Variants in FLT1 observed in about 807,000 individuals in gnomAD.
FLT1 encodes fms related receptor tyrosine kinase 1, also known as vascular endothelial growth factor receptor 1.
A neutral mutation model predicts 156.3 loss-of-function variants in FLT1; 49 were observed. The ratio of observed to expected loss-of-function variants is 0.31; its 90% CI spans 0.25 to 0.40. FLT1 has a LOEUF of 0.40. Ranked by LOEUF, FLT1 falls within the 10% of genes least tolerant of loss-of-function variation. The probability of loss-of-function intolerance (pLI) is 1.00; values close to 1 mark genes in which losing one functional copy is unlikely to be tolerated. For synonymous variants in FLT1, 594 were observed against 583.8 expected, an observed-to-expected ratio of 1.02 and a Z score of -0.25; for missense variants, 1,322 against 1,637.2, an observed-to-expected ratio of 0.81 and a Z score of 3.32.
chr13:28,371,194 T>C (rs1217963213), intron 14 of FLT1, among the ~76,000 whole-genome samples: 1 of 152,184 alleles, frequency 6.6e-6, no homozygotes, highest in Admixed American at 6.5e-5. Context: ...CCACTACCAG[T>C]CACTCACTGT....
chr13:28,475,702 A>T (rs767074297), intron 1 of FLT1, among the ~76,000 whole-genome samples: 4 of 152,186 alleles, frequency 2.6e-5, no homozygotes, highest in Non-Finnish European at 4.4e-5. Context: ...GAAACTTAAT[A>T]AAAAAAAGTT....
At chr13:28,428,965 G>A (rs1050357156) in intron 8 of FLT1, among the ~76,000 whole-genome samples, 20 of 151,884 alleles carry the variant, frequency 1.3e-4, no homozygotes, top group Non-Finnish European at 2.2e-4. Flanking sequence ...CATTTTTGAC[G>A]GTGGATTGAA....
Position 28,434,047 on chromosome 13 carries a change from G to A in FLT1, c.676+11C>T, listed in dbSNP as rs370578912. 9 of 1,613,990 alleles carry A rather than the reference G, an allele frequency of 5.6e-6. No homozygotes were observed. In the African/African-American group the frequency reaches 8.0e-5, roughly 14 times the overall value. ...TTCGGCTTATGTTCATGCCTTTGAA[G>A]CATCACTTACTTTGTCGATGTGTGA... On this transcript the variant is annotated intron_variant, in intron 5 of 29. Coordinates refer to ENST00000282397, the MANE Select transcript of FLT1 (RefSeq NM_002019.4).
chr13:28,458,847 A>T (rs898899187), intron 3 of FLT1, among the ~76,000 whole-genome samples: 1 of 152,216 alleles, frequency 6.6e-6, no homozygotes. Flanking sequence ...CCAGTGATGG[A>T]TAGAATGAAT....
chr13:28,387,552 T>C (rs1874433699), intron 13 of FLT1: 1 of 1,063,050 alleles, frequency 9.4e-7, no homozygotes, highest in African/African-American at 1.6e-5. Flanking sequence ...GCCCACCAGG[T>C]TCTTTCACTT....
At chr13:28,481,367 G>A (rs1880835607) in intron 1 of FLT1, among the ~76,000 whole-genome samples, 1 of 151,692 alleles carries the variant, frequency 6.6e-6, no homozygotes, top group African/African-American at 2.4e-5. Context: ...CAAATGGAAG[G>A]AACAGAATAT....
At position 28,427,144 on chromosome 13, in the gene FLT1, A is replaced by T; in HGVS notation, c.1436+15T>A. The T allele has an allele frequency of 6.2e-7, 1 of 1,612,970 alleles. No homozygotes were observed. The highest frequency in any genetic ancestry group is 8.5e-7 in the Non-Finnish European group (1 of 1,178,920). On this transcript the variant is annotated intron_variant, in intron 10 of 29. Coordinates refer to ENST00000282397, the MANE Select transcript of FLT1 (RefSeq NM_002019.4). Reference sequence around the variant, plus strand: ...AAAGTATTTGAAAGTTAGTAAAAAAACTGACTGTCCCTACCTTGCTTCGGA... The same window carrying T: ...AAAGTATTTGAAAGTTAGTAAAAAATCTGACTGTCCCTACCTTGCTTCGGA...
chr13:28,348,664 C>T (rs1872641612), intron 15 of FLT1, among the ~76,000 whole-genome samples: 1 of 152,172 alleles, frequency 6.6e-6, no homozygotes, highest in Admixed American at 6.5e-5. Flanking sequence ...AATCCCAGCA[C>T]TTTGGGAGCC....
intron 12 of FLT1, among the ~76,000 whole-genome samples, chr13:28,391,483 C>T (rs2137462496): frequency 6.6e-6 from 1 of 152,328 alleles, no homozygotes; most frequent in East Asian, 1.9e-4. Flanking sequence ...CCTGGAAGCC[C>T]CCTCCCCACT....
chr13:28,413,455 C>A (rs990978676), intron 10 of FLT1, among the ~76,000 whole-genome samples: 3 of 149,324 alleles, frequency 2.0e-5, no homozygotes, highest in Non-Finnish European at 4.4e-5. Flanking sequence ...ATCCTCGTGG[C>A]CCCGCACTGG....
intron 3 of FLT1, among the ~76,000 whole-genome samples, chr13:28,462,294 C>T (rs1566042075): frequency 6.6e-6 from 1 of 152,138 alleles, no homozygotes; most frequent in Non-Finnish European, 1.5e-5. Context: ...TCAATGAAAT[C>T]CTCTAACTGT....
intron 15 of FLT1, among the ~76,000 whole-genome samples, chr13:28,349,176 G>A (rs1441382342): frequency 6.6e-6 from 1 of 152,156 alleles, no homozygotes. Flanking sequence ...ATAGTGCCTG[G>A]CATATAGTAG....
At chr13:28,392,090 T>C (rs1874765863) in intron 12 of FLT1, among the ~76,000 whole-genome samples, 1 of 152,248 alleles carries the variant, frequency 6.6e-6, no homozygotes, top group Admixed American at 6.5e-5. Context: ...AACTCTTTCC[T>C]AAATCTCACT....
At chr13:28,303,638 C>T (rs569971644) in intron 29 of FLT1, among the ~76,000 whole-genome samples, 16 of 152,166 alleles carry the variant, frequency 1.1e-4, no homozygotes, top group Non-Finnish European at 2.4e-4. Flanking sequence ...ATCCATAATC[C>T]AGGTGGAAAG....
chr13:28,364,008 T>C (rs908511371), intron 14 of FLT1, among the ~76,000 whole-genome samples: 3 of 152,214 alleles, frequency 2.0e-5, no homozygotes, highest in African/African-American at 7.2e-5. Flanking sequence ...AATATTTTTA[T>C]TGGCCATTCA....
At chr13:28,310,355 G>A (rs1203448336) in intron 27 of FLT1, among the ~76,000 whole-genome samples, 2 of 152,146 alleles carry the variant, frequency 1.3e-5, no homozygotes, top group African/African-American at 2.4e-5. Context: ...GTACAGGGAG[G>A]GAGGGTCAGA....
chr13:28,389,684 AC>A, intron 13 of FLT1, 111 bp downstream of exon 13: 1 of 1,571,150 alleles, frequency 6.4e-7, no homozygotes, highest in Non-Finnish European at 8.6e-7. Flanking sequence ...GACAACTGTT[AC>A]TTTTTAATGA....
At chr13:28,317,376 A>C in intron 25 of FLT1, 122 bp downstream of exon 25, 1 of 761,860 alleles carries the variant, frequency 1.3e-6, no homozygotes, top group Non-Finnish European at 2.4e-6. Flanking sequence ...TCTCTAAAGG[A>C]AAGAAGAACC....
intron 3 of FLT1, among the ~76,000 whole-genome samples, chr13:28,462,494 T>A (rs1475651128): frequency 6.6e-6 from 1 of 152,230 alleles, no homozygotes; most frequent in African/African-American, 2.4e-5. Context: ...TTTGTTTTTG[T>A]TTATGACCTG....
Sources: gnomAD v4.1 joint callset for allele counts (sites outside exome capture counted in the v4.1 genomes callset) on GRCh38, gnomAD v4.1.1 for gene constraint, MANE v1.5 for transcripts, NCBI Gene and HGNC (gene_info 2026-07-23, HGNC 2026-07-21) for gene names.